NLGN1: variants seen among roughly 807,000 people sequenced by gnomAD.
The protein encoded by NLGN1 is neuroligin 1, also known as neuroligin-1.
Under a neutral mutation model 65.5 loss-of-function variants are expected in NLGN1, and 12 were observed. The observed-to-expected ratio is 0.18, with a 90% CI of 0.12 to 0.30. The LOEUF (loss-of-function observed/expected upper bound fraction) is 0.30, where lower values mean the gene tolerates loss of function less well. NLGN1 is among the 10% of genes least tolerant of loss of function. The pLI, the probability that NLGN1 is intolerant of heterozygous loss-of-function variation, is 1.00. For missense variants in NLGN1, 750 were observed against 1,007.1 expected (o/e 0.74, Z 3.46); for synonymous variants, 350 against 359.5 (o/e 0.97, Z 0.30).
At chr3:174,206,058 T>G (rs1388530302) in intron 4 of NLGN1, among the ~76,000 whole-genome samples, 3 of 152,222 alleles carry the variant, frequency 2.0e-5, no homozygotes, top group Non-Finnish European at 4.4e-5. Context: ...ATTTAGCAAC[T>G]GAGAAAATAC....
At chr3:173,596,766 T>C (rs966333790) in intron 2 of NLGN1, among the ~76,000 whole-genome samples, 1 of 152,198 alleles carries the variant, frequency 6.6e-6, no homozygotes, top group Non-Finnish European at 1.5e-5. Flanking sequence ...TCAACTTTGA[T>C]ATTCTCATCT....
At chr3:174,248,631 C>T (rs1161997710) in intron 4 of NLGN1, among the ~76,000 whole-genome samples, 1 of 152,050 alleles carries the variant, frequency 6.6e-6, no homozygotes, top group African/African-American at 2.4e-5. Context: ...TGTGGTGGCA[C>T]GTGCCTTTAG....
chr3:174,016,804 G>C (rs1017979642), intron 4 of NLGN1, among the ~76,000 whole-genome samples: 1 of 152,138 alleles, frequency 6.6e-6, no homozygotes, highest in Admixed American at 6.6e-5. Context: ...CCACATAGCA[G>C]CCAAGAAGGC....
At chr3:173,560,133 CG>C (rs1742455351) in intron 2 of NLGN1, among the ~76,000 whole-genome samples, 1 of 151,824 alleles carries the variant, frequency 6.6e-6, no homozygotes, top group Non-Finnish European at 1.5e-5. Context: ...TTAGTAGAGA[CG>C]GGGTTTCACC....
intron 2 of NLGN1, among the ~76,000 whole-genome samples, chr3:173,570,212 G>A (rs1304710467): frequency 6.6e-6 from 1 of 152,172 alleles, no homozygotes; most frequent in African/African-American, 2.4e-5. Flanking sequence ...ATAGAAATTA[G>A]AAAGGTGGAT....
chr3:173,540,716 CA>C (rs1738719178), intron 2 of NLGN1, among the ~76,000 whole-genome samples: 1 of 152,144 alleles, frequency 6.6e-6, no homozygotes, highest in East Asian at 1.9e-4. Context: ...TATTGAAAAG[CA>C]AGTGTTCTTG....
At chr3:173,623,673 A>ATGCC (rs1398838111) in intron 3 of NLGN1, among the ~76,000 whole-genome samples, 1 of 152,088 alleles carries the variant, frequency 6.6e-6, no homozygotes, top group Non-Finnish European at 1.5e-5. Context: ...AGGGCGTTGA[A>ATGCC]TGCCAGTGTG....
chr3:173,716,813 T>G (rs991276286), intron 3 of NLGN1, among the ~76,000 whole-genome samples: 15 of 152,314 alleles, frequency 9.8e-5, no homozygotes, highest in African/African-American at 3.6e-4. Context: ...TGATATTCAT[T>G]TATTGCCTAT....
At chr3:173,801,304 C>T (rs1408462910) in intron 3 of NLGN1, among the ~76,000 whole-genome samples, 2 of 151,848 alleles carry the variant, frequency 1.3e-5, no homozygotes, top group Non-Finnish European at 2.9e-5. Context: ...TTTTTGGTTC[C>T]AATCAGGATT....
chr3:173,494,923 A>G (rs1171631153), intron 2 of NLGN1, among the ~76,000 whole-genome samples: 1 of 151,880 alleles, frequency 6.6e-6, no homozygotes, highest in East Asian at 1.9e-4. Flanking sequence ...GAATTGTACT[A>G]ACTCTTGAAG....
At chr3:174,253,231 G>A (rs183635726) in intron 4 of NLGN1, among the ~76,000 whole-genome samples, 1 of 151,958 alleles carries the variant, frequency 6.6e-6, no homozygotes, top group East Asian at 1.9e-4. Flanking sequence ...TTTTGTAAGT[G>A]GCATAATAAC....
chr3:173,987,481 G>C (rs990295360), intron 4 of NLGN1, among the ~76,000 whole-genome samples: 1 of 152,074 alleles, frequency 6.6e-6, no homozygotes, highest in African/African-American at 2.4e-5. Flanking sequence ...CAATATAAGA[G>C]GGTTGACAAA....
intron 2 of NLGN1, among the ~76,000 whole-genome samples, chr3:173,538,853 A>G (rs949251983): frequency 3.4e-5 from 5 of 149,124 alleles, no homozygotes; most frequent in African/African-American, 9.9e-5. Context: ...GAACATTTAC[A>G]TGGAGCAAAT....
chr3:173,732,903 A>T (rs1006255851), intron 3 of NLGN1, among the ~76,000 whole-genome samples: 3 of 152,130 alleles, frequency 2.0e-5, no homozygotes, highest in Admixed American at 2.0e-4. Flanking sequence ...TGATAATAAA[A>T]ATAAACATTA....
At chr3:174,088,444 T>A (rs1743842188) in intron 4 of NLGN1, among the ~76,000 whole-genome samples, 1 of 152,250 alleles carries the variant, frequency 6.6e-6, no homozygotes, top group East Asian at 1.9e-4. Context: ...ATAGGATTTT[T>A]AAAAATCATT....
intron 4 of NLGN1, among the ~76,000 whole-genome samples, chr3:174,124,382 A>T (rs913279896): frequency 1.3e-5 from 2 of 151,834 alleles, no homozygotes; most frequent in African/African-American, 4.8e-5. Context: ...TACAAGCCTG[A>T]TACTAATTTA....
chr3:173,441,522 G>T (rs766508499), intron 2 of NLGN1, among the ~76,000 whole-genome samples: 1 of 152,234 alleles, frequency 6.6e-6, no homozygotes, highest in Middle Eastern at 3.4e-3. Flanking sequence ...GTATTGTTGT[G>T]TCTCTGGTAA....
chr3:174,047,051 C>T (rs1733766083), intron 4 of NLGN1, among the ~76,000 whole-genome samples: 2 of 151,828 alleles, frequency 1.3e-5, no homozygotes, highest in South Asian at 2.1e-4. Flanking sequence ...TTCATTAGGT[C>T]AGAGATTGTT....
intron 3 of NLGN1, among the ~76,000 whole-genome samples, chr3:173,629,496 A>G (rs1355794676): frequency 6.6e-6 from 1 of 152,206 alleles, no homozygotes; most frequent in Non-Finnish European, 1.5e-5. Flanking sequence ...ATATTTTTAA[A>G]TTAAAAAGAC....
Sources: allele counts gnomAD v4.1 joint callset (sites outside exome capture counted in the v4.1 genomes callset), GRCh38; gene constraint gnomAD v4.1.1; transcripts MANE v1.5; gene names NCBI Gene and HGNC (gene_info 2026-07-23, HGNC 2026-07-21).